Variants in FTCDNL1 observed in about 807,000 individuals in gnomAD.
FTCDNL1 encodes the protein formiminotransferase cyclodeaminase N-terminal like.
Under a neutral mutation model 5.9 loss-of-function variants are expected in FTCDNL1, and 11 were observed. The observed-to-expected ratio is 1.87, with a 90% CI of 1.18 to 3.10. FTCDNL1 has a LOEUF of 3.10. Ranked by LOEUF, FTCDNL1 falls within the 30% of genes most tolerant of loss-of-function variation. The pLI, the probability that FTCDNL1 is intolerant of heterozygous loss-of-function variation, is 0.00. For missense variants in FTCDNL1, 115 were observed against 65.5 expected (o/e 1.76, Z -2.61); for synonymous variants, 58 against 24.8 (o/e 2.34, Z -3.99).
chr2:199,836,133 G>C (rs1702719603), intron 3 of FTCDNL1, among the ~76,000 whole-genome samples: 7 of 152,094 alleles, frequency 4.6e-5, no homozygotes, highest in Admixed American at 4.6e-4. Flanking sequence ...ATTCTTATAA[G>C]ACATTTATTC....
chr2:199,700,616 G>C, the FTCDNL1 span, among the ~76,000 whole-genome samples: 3 of 152,136 alleles, frequency 2.0e-5, no homozygotes, highest in Non-Finnish European at 2.9e-5. Context: ...AACAAAACCA[G>C]AGGCATAACA....
At chr2:199,693,454 C>T in the FTCDNL1 span, among the ~76,000 whole-genome samples, 1 of 152,156 alleles carries the variant, frequency 6.6e-6, no homozygotes, top group Non-Finnish European at 1.5e-5. Flanking sequence ...ACTCTTTTAG[C>T]ATCTATCCTG....
chr2:199,759,938 T>C (rs761525765), downstream of FTCDNL1, among the ~76,000 whole-genome samples: 8 of 152,188 alleles, frequency 5.3e-5, no homozygotes, highest in Non-Finnish European at 1.0e-4. Flanking sequence ...CAGCTCGTAA[T>C]TGTATTGGGC....
chr2:199,765,556 A>ATTTATTTTTTTTTTTTT (rs1698491954), intron 3 of FTCDNL1, among the ~76,000 whole-genome samples: 1 of 42,656 alleles, frequency 2.3e-5, no homozygotes, highest in Non-Finnish European at 4.8e-5. Flanking sequence ...ATATATATAT[A>ATTTATTTTTTTTTTTTT]TTTTTTTTTT....
At chr2:199,751,091 C>A in the FTCDNL1 span, among the ~76,000 whole-genome samples, 1 of 152,190 alleles carries the variant, frequency 6.6e-6, no homozygotes, top group Non-Finnish European at 1.5e-5. Flanking sequence ...ATATTCCCAG[C>A]TCATCAGTGG....
chr2:199,772,474 AG>A (rs1698861803), intron 3 of FTCDNL1, among the ~76,000 whole-genome samples: 2 of 152,146 alleles, frequency 1.3e-5, no homozygotes, highest in Non-Finnish European at 2.9e-5. Flanking sequence ...CACATTTCCA[AG>A]GTATGACATA....
intron 3 of FTCDNL1, among the ~76,000 whole-genome samples, chr2:199,833,045 C>T (rs1444984079): frequency 1.3e-5 from 2 of 151,762 alleles, no homozygotes; most frequent in African/African-American, 4.8e-5. Context: ...TCACAGCTCA[C>T]TGCAGCCTTG....
intron 3 of FTCDNL1, among the ~76,000 whole-genome samples, chr2:199,783,987 C>G (rs1036766766): frequency 3.7e-4 from 57 of 152,130 alleles, no homozygotes; most frequent in African/African-American, 1.3e-3. Context: ...TCCACATGTC[C>G]CTATTTCAAG....
At chr2:199,749,496 T>C in the FTCDNL1 span, among the ~76,000 whole-genome samples, 1 of 152,028 alleles carries the variant, frequency 6.6e-6, no homozygotes. Flanking sequence ...ATGAGACTAG[T>C]CATTTGTTAA....
At chr2:199,798,070 G>A (rs551006821) in intron 3 of FTCDNL1, among the ~76,000 whole-genome samples, 2 of 152,154 alleles carry the variant, frequency 1.3e-5, no homozygotes, top group African/African-American at 2.4e-5. Flanking sequence ...TCTTTCCCCA[G>A]CCTCACACAT....
At chr2:199,730,165 T>A in the FTCDNL1 span, among the ~76,000 whole-genome samples, 1 of 152,208 alleles carries the variant, frequency 6.6e-6, no homozygotes, top group African/African-American at 2.4e-5. Flanking sequence ...AAACTGAAAC[T>A]GGACCCCTTC....
intron 3 of FTCDNL1, among the ~76,000 whole-genome samples, chr2:199,838,190 A>C (rs1336299680): frequency 6.6e-6 from 1 of 152,226 alleles, no homozygotes; most frequent in Non-Finnish European, 1.5e-5. Context: ...TCCTGCAGAG[A>C]AATTGTCTAT....
the FTCDNL1 span, among the ~76,000 whole-genome samples, chr2:199,663,984 C>T: frequency 3.8e-4 from 58 of 151,592 alleles, no homozygotes; most frequent in Non-Finnish European, 6.2e-4. Flanking sequence ...AGGATTCACA[C>T]AGGGAGAGAC....
chr2:199,793,447 G>A (rs972190660), intron 3 of FTCDNL1, among the ~76,000 whole-genome samples: 21 of 152,016 alleles, frequency 1.4e-4, no homozygotes, highest in Admixed American at 3.9e-4. Flanking sequence ...GTCATAATAA[G>A]GCTACCAAAA....
intron 3 of FTCDNL1, among the ~76,000 whole-genome samples, chr2:199,781,408 T>C (rs1699354917): frequency 6.6e-6 from 1 of 152,156 alleles, no homozygotes; most frequent in Admixed American, 6.5e-5. Context: ...CTATAAAATT[T>C]ACTAATTTAA....
At chr2:199,831,695 G>A (rs1313166885) in intron 3 of FTCDNL1, among the ~76,000 whole-genome samples, 2 of 152,110 alleles carry the variant, frequency 1.3e-5, no homozygotes, top group African/African-American at 2.4e-5. Context: ...ACTTGGCAGG[G>A]GGACATTCAG....
chr2:199,788,075 G>A (rs1699749808), intron 3 of FTCDNL1, among the ~76,000 whole-genome samples: 1 of 152,158 alleles, frequency 6.6e-6, no homozygotes, highest in Non-Finnish European at 1.5e-5. Flanking sequence ...AGGCTTATAA[G>A]AGTAGAATTA....
At chr2:199,676,131 C>T in the FTCDNL1 span, among the ~76,000 whole-genome samples, 1 of 152,120 alleles carries the variant, frequency 6.6e-6, no homozygotes, top group South Asian at 2.1e-4. Context: ...TCACATATAG[C>T]ACCCAGTAGT....
rs117049322 is a variant in FTCDNL1 at position 199,793,211 on chromosome 2, G to A, written c.212-32376C>T. ...CAAAGTTCCCTTAGAAACATAATGAGATGAGTGGAAATGGAAATAATACAT... is the reference window on the plus strand; with the variant it reads ...CAAAGTTCCCTTAGAAACATAATGAAATGAGTGGAAATGGAAATAATACAT... On this transcript the variant is annotated intron_variant, in intron 3 of 3. Coordinates refer to the FTCDNL1 transcript ENST00000416668. Among the ~76,000 whole-genome samples, 21 of 152,248 alleles carry A rather than the reference G, an allele frequency of 1.4e-4. No individual in the cohort carries two copies. The East Asian group carries it at 2.5e-3, about 18-fold the overall frequency.
Sources: allele counts gnomAD v4.1 joint callset (sites outside exome capture counted in the v4.1 genomes callset), GRCh38; gene constraint gnomAD v4.1.1; transcripts MANE v1.5; gene names NCBI Gene and HGNC (gene_info 2026-07-23, HGNC 2026-07-21).